Variants in CLNK observed in about 807,000 individuals in gnomAD.
CLNK encodes cytokine-dependent hematopoietic cell linker.
Under a neutral mutation model 68.6 loss-of-function variants are expected in CLNK, and 74 were observed. That is an observed-to-expected ratio of 1.08 (90% confidence interval 0.89 to 1.31). The LOEUF is 1.31. CLNK is among the 50% of genes most tolerant of loss of function. The pLI is 0.00. For synonymous variants in CLNK, 198 were observed against 172.2 expected, an observed-to-expected ratio of 1.15 and a Z score of -1.17; for missense variants, 553 against 515.3, an observed-to-expected ratio of 1.07 and a Z score of -0.71.
chr4:10,638,475 T>C (rs1188059523), intron 2 of CLNK, among the ~76,000 whole-genome samples: 5 of 152,154 alleles, frequency 3.3e-5, no homozygotes, highest in African/African-American at 4.8e-5. Flanking sequence ...TTGCCCAGGA[T>C]TGAGGAGTCT....
the CLNK span, among the ~76,000 whole-genome samples, chr4:10,698,937 G>A: frequency 3.8e-4 from 58 of 152,172 alleles, no homozygotes; most frequent in African/African-American, 7.9e-4. Context: ...TTGTCATGGC[G>A]GCTTGAGTGG....
At chr4:10,577,791 A>T (rs1249782683) in intron 4 of CLNK, among the ~76,000 whole-genome samples, 2 of 152,150 alleles carry the variant, frequency 1.3e-5, no homozygotes, top group Non-Finnish European at 2.9e-5. Context: ...AAGAAAAAAA[A>T]AAAATAAACG....
chr4:10,639,382 A>G (rs1464007958), intron 2 of CLNK, among the ~76,000 whole-genome samples: 1 of 152,220 alleles, frequency 6.6e-6, no homozygotes, highest in Non-Finnish European at 1.5e-5. Context: ...GGCAATGATC[A>G]ACTGGCTTTA....
upstream of CLNK, among the ~76,000 whole-genome samples, chr4:10,689,745 A>ATTTTTTGTT (rs1725395948): frequency 1.0e-5 from 1 of 100,094 alleles, no homozygotes; most frequent in African/African-American, 3.5e-5. Flanking sequence ...AAACCCATGC[A>ATTTTTTGTT]TTTTTTTTTT....
intron 2 of CLNK, among the ~76,000 whole-genome samples, chr4:10,644,281 G>C (rs1300278862): frequency 2.0e-5 from 3 of 152,158 alleles, no homozygotes; most frequent in Non-Finnish European, 4.4e-5. Flanking sequence ...TGCTATAGTG[G>C]GAGGGGAGGA....
chr4:10,644,484 C>T (rs961461153), intron 2 of CLNK, among the ~76,000 whole-genome samples: 5 of 152,096 alleles, frequency 3.3e-5, no homozygotes, highest in African/African-American at 1.2e-4. Flanking sequence ...GGTTTGGTCG[C>T]ATGTAAATTC....
At chr4:10,539,161 G>A (rs549534623) in intron 11 of CLNK, among the ~76,000 whole-genome samples, 5 of 152,180 alleles carry the variant, frequency 3.3e-5, no homozygotes, top group Non-Finnish European at 7.3e-5. Context: ...TTTGAATCGA[G>A]ACTTGAGAGC....
intron 3 of CLNK, among the ~76,000 whole-genome samples, chr4:10,595,869 C>G (rs937431356): frequency 1.3e-5 from 2 of 152,084 alleles, no homozygotes; most frequent in Non-Finnish European, 2.9e-5. Flanking sequence ...AGAACAGCAC[C>G]TAGCACATAG....
intron 1 of CLNK, among the ~76,000 whole-genome samples, chr4:10,677,022 A>ATTTTTTTT (rs1724904044): frequency 6.7e-6 from 1 of 149,014 alleles, no homozygotes. Context: ...GCAGAACCAC[A>ATTTTTTTT]TTGATTAGAG....
chr4:10,678,044 T>C (rs1724945238), intron 1 of CLNK, among the ~76,000 whole-genome samples: 1 of 152,062 alleles, frequency 6.6e-6, no homozygotes, highest in Non-Finnish European at 1.5e-5. Flanking sequence ...CCAGATGAGA[T>C]CATCATTTCA....
intron 1 of CLNK, among the ~76,000 whole-genome samples, chr4:10,675,126 C>A (rs1033266531): frequency 3.9e-5 from 6 of 152,122 alleles, no homozygotes; most frequent in Non-Finnish European, 8.8e-5. Flanking sequence ...AGGTTCTGCA[C>A]ATGTATCCCA....
chr4:10,558,381 T>A (rs1406789710), intron 8 of CLNK, 26 bp downstream of exon 8: 4 of 1,609,200 alleles, frequency 2.5e-6, no homozygotes, highest in Middle Eastern at 1.7e-4. Context: ...TACTTACATT[T>A]TAAACTTCGA....
At chr4:10,492,960 T>A (rs1453512907) in intron 18 of CLNK, among the ~76,000 whole-genome samples, 2 of 152,208 alleles carry the variant, frequency 1.3e-5, no homozygotes, top group African/African-American at 4.8e-5. Flanking sequence ...AAACCTTTAC[T>A]GGATCTGCAG....
At chr4:10,525,430 A>G (rs1189754171) in intron 14 of CLNK, among the ~76,000 whole-genome samples, 3 of 152,214 alleles carry the variant, frequency 2.0e-5, no homozygotes, top group Admixed American at 1.3e-4. Flanking sequence ...GCAGGCAGGT[A>G]TCTAATCTGA....
intron 2 of CLNK, among the ~76,000 whole-genome samples, chr4:10,633,189 C>T (rs1043279407): frequency 6.6e-6 from 1 of 152,178 alleles, no homozygotes. Context: ...CTGCCTGCCT[C>T]GGCCTCCCAA....
intron 8 of CLNK, among the ~76,000 whole-genome samples, chr4:10,549,428 G>C (rs1719361111): frequency 1.3e-5 from 2 of 152,160 alleles, no homozygotes; most frequent in African/African-American, 4.8e-5. Flanking sequence ...ATTTAAAGGA[G>C]GGTGAGCTTT....
At chr4:10,547,755 G>A (rs1577121296) in intron 8 of CLNK, among the ~76,000 whole-genome samples, 2 of 152,024 alleles carry the variant, frequency 1.3e-5, no homozygotes, top group African/African-American at 4.8e-5. Context: ...ATTTTTCTGC[G>A]TCTGACTTGT....
At chr4:10,617,487 A>T (rs1722282274) in intron 2 of CLNK, among the ~76,000 whole-genome samples, 1 of 152,238 alleles carries the variant, frequency 6.6e-6, no homozygotes, top group Non-Finnish European at 1.5e-5. Context: ...CACCAGTGGG[A>T]CTATGAGCTG....
intron 17 of CLNK, 48 bp from the exon 18 acceptor site, chr4:10,501,459 T>C (rs1717048227): frequency 6.4e-7 from 1 of 1,571,150 alleles, no homozygotes; most frequent in African/African-American, 1.4e-5. Context: ...GCCAGCATTC[T>C]GCCCTTGTAA....
Sources: allele counts gnomAD v4.1 joint callset (sites outside exome capture counted in the v4.1 genomes callset), GRCh38; gene constraint gnomAD v4.1.1; transcripts MANE v1.5; gene names NCBI Gene and HGNC (gene_info 2026-07-23, HGNC 2026-07-21).